LRRFIP1: variants seen among roughly 807,000 people sequenced by gnomAD.
LRRFIP1 encodes LRR binding FLII interacting protein 1.
Under a neutral mutation model 104.4 loss-of-function variants are expected in LRRFIP1, and 62 were observed. The ratio of observed to expected loss-of-function variants is 0.59; its 90% CI spans 0.48 to 0.73. The LOEUF is 0.73. Among genes scored for constraint, LRRFIP1 ranks in the 30% least tolerant of loss-of-function variants. The probability of loss-of-function intolerance (pLI) is 0.00; values close to 1 mark genes in which losing one functional copy is unlikely to be tolerated. For missense variants in LRRFIP1, 796 were observed against 824.5 expected, an observed-to-expected ratio of 0.97 and a Z score of 0.42; for synonymous variants, 300 against 299.0, an observed-to-expected ratio of 1.00 and a Z score of -0.03.
intron 1 of LRRFIP1, among the ~76,000 whole-genome samples, chr2:237,637,515 T>C (rs1221241025): frequency 2.0e-5 from 3 of 152,236 alleles, no homozygotes; most frequent in Non-Finnish European, 2.9e-5. Flanking sequence ...AATTCATTTA[T>C]TTGCTTGGAA....
intron 12 of LRRFIP1, 112 bp downstream of exon 12, chr2:237,748,511 AC>A (rs2058170128): frequency 2.9e-6 from 3 of 1,019,120 alleles, no homozygotes; most frequent in Non-Finnish European, 4.4e-6. Flanking sequence ...AGGGAACTGG[AC>A]TAGAAAGCGG....
At chr2:237,762,527 G>T in intron 19 of LRRFIP1, 2 of 1,178,322 alleles carry the variant, frequency 1.7e-6, no homozygotes, top group Non-Finnish European at 2.4e-6. Context: ...GATTTGGAAC[G>T]TGTGTTTACA....
chr2:237,749,151 G>C, intron 12 of LRRFIP1, 48 bp from the exon 13 acceptor site: 14 of 1,583,148 alleles, frequency 8.8e-6, no homozygotes, highest in Non-Finnish European at 1.1e-5. Context: ...ATTTGGGTGG[G>C]GACACAGAGC....
intron 1 of LRRFIP1, among the ~76,000 whole-genome samples, chr2:237,654,331 G>T (rs2086432544): frequency 6.6e-6 from 1 of 152,148 alleles, no homozygotes; most frequent in African/African-American, 2.4e-5. Context: ...ACACCTGTTA[G>T]AATGGCTATG....
At chr2:237,709,589 T>C (rs951259678) in intron 2 of LRRFIP1, among the ~76,000 whole-genome samples, 18 of 152,336 alleles carry the variant, frequency 1.2e-4, no homozygotes, top group African/African-American at 3.8e-4. Context: ...ATGGTGGTTG[T>C]AGATTCCGCC....
chr2:237,632,540 C>T (rs191841232), intron 1 of LRRFIP1, among the ~76,000 whole-genome samples: 7 of 152,304 alleles, frequency 4.6e-5, no homozygotes, highest in Non-Finnish European at 7.3e-5. Flanking sequence ...TCGTAAATAT[C>T]GGGTCTTTTC....
chr2:237,775,816 G>A (rs1177685991), intron 23 of LRRFIP1, among the ~76,000 whole-genome samples: 1 of 151,918 alleles, frequency 6.6e-6, no homozygotes, highest in African/African-American at 2.4e-5. Flanking sequence ...CCAGCATGGG[G>A]CGACAGAGTG....
chr2:237,732,557 T>G (rs1331192872), intron 8 of LRRFIP1, among the ~76,000 whole-genome samples: 1 of 152,270 alleles, frequency 6.6e-6, no homozygotes, highest in African/African-American at 2.4e-5. Flanking sequence ...TTGGCTTGAC[T>G]AGTTTGCTAA....
At chr2:237,701,909 C>G (rs1025664792) in intron 1 of LRRFIP1, among the ~76,000 whole-genome samples, 1 of 152,220 alleles carries the variant, frequency 6.6e-6, no homozygotes, top group African/African-American at 2.4e-5. Flanking sequence ...CGAGATGTCA[C>G]GCATGGGTCC....
At chr2:237,681,113 G>C (rs1048839903) in intron 1 of LRRFIP1, among the ~76,000 whole-genome samples, 6 of 152,178 alleles carry the variant, frequency 3.9e-5, no homozygotes, top group Admixed American at 3.3e-4. Flanking sequence ...CTTTTTTGTA[G>C]CCCACAGCTT....
intron 11 of LRRFIP1, among the ~76,000 whole-genome samples, chr2:237,747,040 G>T (rs2057966454): frequency 6.6e-6 from 1 of 152,176 alleles, no homozygotes; most frequent in East Asian, 1.9e-4. Flanking sequence ...GTTTATTTTT[G>T]AACACCCAGG....
chr2:237,729,886 A>G, intron 8 of LRRFIP1: 8 of 900,854 alleles, frequency 8.9e-6, no homozygotes, highest in Non-Finnish European at 9.3e-6. Flanking sequence ...CAGAAACCGC[A>G]GATTTTGTAG....
At chr2:237,699,604 G>A (rs990440269) in intron 1 of LRRFIP1, among the ~76,000 whole-genome samples, 2 of 152,070 alleles carry the variant, frequency 1.3e-5, no homozygotes, top group African/African-American at 2.4e-5. Flanking sequence ...CGCCTGCCTC[G>A]GCCTCCCAAA....
At chr2:237,696,125 A>G (rs765416039) in intron 1 of LRRFIP1, among the ~76,000 whole-genome samples, 2 of 152,264 alleles carry the variant, frequency 1.3e-5, no homozygotes, top group Non-Finnish European at 2.9e-5. Context: ...CCTTGAATCT[A>G]AAGTATAACT....
chr2:237,681,678 CTTTT>C (rs1172576547), intron 1 of LRRFIP1, among the ~76,000 whole-genome samples: 2 of 44,900 alleles, frequency 4.5e-5, no homozygotes, highest in East Asian at 1.0e-3. Flanking sequence ...CAGTCCTATT[CTTTT>C]TTTTTTTTTT....
At chr2:237,647,503 C>G (rs2085119099) in intron 1 of LRRFIP1, among the ~76,000 whole-genome samples, 1 of 152,082 alleles carries the variant, frequency 6.6e-6, no homozygotes, top group African/African-American at 2.4e-5. Flanking sequence ...GGTGTCCCTT[C>G]CCTCAGATGG....
In LRRFIP1 at chr2:237,627,814, GCGTC is replaced by G. The variant is rs966085810; in HGVS notation, c.96+79_96+82del. On this transcript the variant is annotated intron_variant, in intron 1 of 23. Coordinates refer to ENST00000308482, the MANE Select transcript of LRRFIP1 (RefSeq NM_001137550.2). ...CCGGACGGCTGTCAGGGTCTCTCCG[GCGTC>G]CGTCTGTCCCGCTGTGCGTCTGTGC... is the stretch of plus-strand genomic sequence containing the variant. 1.1e-4 allele frequency: 104 copies of G among 962,146 alleles called. 1 individual carries two copies. The highest frequency in any genetic ancestry group is 1.4e-4 in the Non-Finnish European group (103 of 756,932). The allele number at this position is 962,146 out of a possible 1,614,324, so 59.6% of individuals were successfully genotyped here.
chr2:237,743,133 C>A (rs763101126), intron 11 of LRRFIP1, among the ~76,000 whole-genome samples: 2 of 152,070 alleles, frequency 1.3e-5, no homozygotes, highest in African/African-American at 2.4e-5. Flanking sequence ...GCTCCCAGGC[C>A]GGGGACTTCG....
intron 1 of LRRFIP1, among the ~76,000 whole-genome samples, chr2:237,639,628 C>T (rs55973295): frequency 0.011 from 1,730 of 152,258 alleles, 25 homozygotes; most frequent in African/African-American, 0.039. Flanking sequence ...CTAAATTACC[C>T]GCCTATTTTT....
Sources: allele counts gnomAD v4.1 joint callset (sites outside exome capture counted in the v4.1 genomes callset), GRCh38; gene constraint gnomAD v4.1.1; transcripts MANE v1.5; gene names NCBI Gene and HGNC (gene_info 2026-07-23, HGNC 2026-07-21).